NDUFAF3: variants seen among roughly 807,000 people sequenced by gnomAD.
The protein encoded by NDUFAF3 is NADH dehydrogenase [ubiquinone] 1 alpha subcomplex assembly factor 3.
NDUFAF3 carries 21 observed loss-of-function variants against 22.6 expected under a neutral mutation model. That is an observed-to-expected ratio of 0.93 (90% CI 0.66 to 1.34). NDUFAF3 has a LOEUF of 1.34. Among genes scored for constraint, NDUFAF3 ranks in the 40% most tolerant of loss-of-function variants. NDUFAF3 has a pLI of 0.00. For missense variants in NDUFAF3, 251 were observed against 248.4 expected, an observed-to-expected ratio of 1.01 and a Z score of -0.07; for synonymous variants, 113 against 104.9, an observed-to-expected ratio of 1.08 and a Z score of -0.47.
In NDUFAF3 at chr3:49,022,241, C is replaced by A. The variant is rs1459833041; in HGVS notation, c.77+20C>A. The A allele has an allele frequency of 1.2e-6, 2 of 1,610,062 alleles. No individual in the cohort carries two copies. Among genetic ancestry groups the A allele is most frequent in the African/African-American group, 1.3e-5 (1 of 74,904 alleles). Reference sequence around the variant, plus strand: ...TCCCTGGTGAGCTTGGACCCCGCGCCCTCGACCATCCAGCCCCCTAGGGCC... The same window carrying A: ...TCCCTGGTGAGCTTGGACCCCGCGCACTCGACCATCCAGCCCCCTAGGGCC... On this transcript the variant is annotated intron_variant, in intron 1 of 4. Coordinates refer to ENST00000326925, the MANE Select transcript of NDUFAF3 (RefSeq NM_199069.2). The surrounding 1 kb of genome is among the most constrained non-coding windows in gnomAD (Gnocchi z 6.6).
upstream of NDUFAF3, chr3:49,021,235 G>A (rs2093153494): frequency 6.6e-6 from 1 of 152,402 alleles, no homozygotes; most frequent in African/African-American, 2.4e-5. This position sits in a 1 kb window ranked among gnomAD's most constrained non-coding sequence, Gnocchi z 4.1. Context: ...GGCCCCGCGG[G>A]TAGCGAAAGC....
upstream of NDUFAF3, chr3:49,022,012 T>G: frequency 1.1e-6 from 1 of 934,142 alleles, no homozygotes; most frequent in Non-Finnish European, 1.6e-6. The surrounding 1 kb of genome is among the most constrained non-coding windows in gnomAD (Gnocchi z 6.6). Flanking sequence ...ACTCGCCTGC[T>G]GGGCCGGTCG....
upstream of NDUFAF3, chr3:49,021,036 T>G (rs934275312): frequency 6.2e-6 from 1 of 160,514 alleles, no homozygotes; most frequent in African/African-American, 2.4e-5. The surrounding 1 kb of genome is among the most constrained non-coding windows in gnomAD (Gnocchi z 4.1). Context: ...GGAGAGGAAG[T>G]AAACCCGCGC....
upstream of NDUFAF3, chr3:49,020,470 T>C (rs1002163618): frequency 7.8e-6 from 3 of 384,966 alleles, no homozygotes; most frequent in Non-Finnish European, 1.6e-5. Context: ...TCCCCAGGGT[T>C]CCAGAGATGG....
chr3:49,020,504 T>C (rs1575299971), upstream of NDUFAF3: 1 of 414,236 alleles, frequency 2.4e-6, no homozygotes, highest in Non-Finnish European at 5.1e-6. Flanking sequence ...CTCTCCCACG[T>C]CTACACCCAT....
Position 49,023,394 on chromosome 3 carries a change from T to G in NDUFAF3, c.*222T>G. 1.7e-6 allele frequency: 1 copy of G among 590,152 alleles called. No individual in the cohort carries two copies. Among genetic ancestry groups the G allele is most frequent in the Non-Finnish European group, 3.0e-6 (1 of 327,992 alleles). 36.6% of individuals were successfully genotyped at this position (590,152 alleles called of 1,614,324 possible). On this transcript the variant is annotated 3_prime_UTR_variant, in exon 5 of 5. Coordinates refer to ENST00000326925, the MANE Select transcript of NDUFAF3 (RefSeq NM_199069.2). ...ACTTTTTCATCTAGATTACTTAGGA[T>G]TCCTTGACTTTTCAGAAGTCGGGAA...
At chr3:49,021,901 C>T, upstream of NDUFAF3, 1 of 577,404 alleles carries the variant, frequency 1.7e-6, no homozygotes, top group Non-Finnish European at 3.1e-6. The surrounding 1 kb of genome is among the most constrained non-coding windows in gnomAD (Gnocchi z 4.1). Flanking sequence ...TGTTCCACTC[C>T]CCCGGGACTA....
upstream of NDUFAF3, chr3:49,021,907 G>A (rs2093161344): frequency 1.7e-6 from 1 of 582,124 alleles, no homozygotes. The surrounding 1 kb of genome is among the most constrained non-coding windows in gnomAD (Gnocchi z 4.1). Context: ...ACTCCCCCGG[G>A]ACTATGGGCA....
Position 49,022,532 on chromosome 3 carries a change from G to T in NDUFAF3, c.264G>T (p.Gln88His). The change falls in exon 2 of 5, where the codon CAG becomes CAT. Residue 88 changes from glutamine (Q) to histidine (H), a missense_variant. Gln to His is a conservative substitution (Grantham distance 24, BLOSUM62 0). Coordinates refer to ENST00000326925, the MANE Select transcript of NDUFAF3 (RefSeq NM_199069.2). The surrounding 1 kb of genome is among the most constrained non-coding windows in gnomAD (Gnocchi z 6.6). Reference sequence around the variant, plus strand: ...CTCTGCTCCCGCACTCGGTGGTGCAGTGGAACGTGAGTCCTGGCCCGCAGT... The same window carrying T: ...CTCTGCTCCCGCACTCGGTGGTGCATTGGAACGTGAGTCCTGGCCCGCAGT... Reference protein sequence around the residue: ...PCALLPHSVVQWNVGSHQDIT... With the variant: ...PCALLPHSVVHWNVGSHQDIT... 1 of 1,613,314 alleles carries T rather than the reference G, an allele frequency of 6.2e-7. No homozygotes were observed. Among genetic ancestry groups the T allele is most frequent in the Non-Finnish European group, 8.5e-7 (1 of 1,179,958 alleles).
At chr3:49,021,626 G>C (rs2093158255), upstream of NDUFAF3, 1 of 160,454 alleles carries the variant, frequency 6.2e-6, no homozygotes, top group Admixed American at 6.4e-5. This position sits in a 1 kb window ranked among gnomAD's most constrained non-coding sequence, Gnocchi z 4.1. Flanking sequence ...AGAGGCCAAC[G>C]GTCGCGCGGG....
chr3:49,023,368 C>T lies in NDUFAF3; in HGVS notation c.*196C>T. ...GGGGAATGTGAAGAAACCAAGGAGT[C>T]ACTTTTTCATCTAGATTACTTAGGA... On this transcript the variant is annotated 3_prime_UTR_variant, in exon 5 of 5. Coordinates refer to ENST00000326925, the MANE Select transcript of NDUFAF3 (RefSeq NM_199069.2). 1.6e-6 allele frequency: 1 copy of T among 638,536 alleles called. No individual in the cohort carries two copies. The highest frequency in any genetic ancestry group is 2.8e-6 in the Non-Finnish European group (1 of 353,098). The allele number at this position is 638,536 out of a possible 1,614,324, so 39.6% of individuals were successfully genotyped here. A position where few individuals can be genotyped will look rare whatever the true frequency, so the allele number is the denominator to read the frequency against.
At chr3:49,022,002 A>G, upstream of NDUFAF3, 2 of 842,452 alleles carry the variant, frequency 2.4e-6, no homozygotes, top group Non-Finnish European at 3.8e-6. This position sits in a 1 kb window ranked among gnomAD's most constrained non-coding sequence, Gnocchi z 6.6. Flanking sequence ...GACTGAGGAC[A>G]CTCGCCTGCT....
upstream of NDUFAF3, chr3:49,021,446 G>C (rs992477712): frequency 3.3e-5 from 5 of 153,116 alleles, no homozygotes; most frequent in South Asian, 5.7e-4. The surrounding 1 kb of genome is among the most constrained non-coding windows in gnomAD (Gnocchi z 4.1). Flanking sequence ...GGTTCGGCCT[G>C]GTCTGGGCCA....
rs765833342 is a variant in NDUFAF3, at chr3:49,022,644, G to A, written c.271-58G>A. The stretch of plus-strand genomic sequence containing the variant: ...TCCTCTGTCTCCTCCTGCAGTGGAT[G>A]GAGATGGGGAGAGGCTGCGTGGATT... On this transcript the variant is annotated intron_variant, in intron 2 of 4. Coordinates refer to ENST00000326925, the MANE Select transcript of NDUFAF3 (RefSeq NM_199069.2). The surrounding 1 kb of genome is among the most constrained non-coding windows in gnomAD (Gnocchi z 6.6). The A allele has an allele frequency of 2.5e-6, 4 of 1,613,230 alleles. No individual in the cohort carries two copies. The highest frequency in any genetic ancestry group is 3.4e-6 in the Non-Finnish European group (4 of 1,179,294).
rs2093180750 is a variant in NDUFAF3, at chr3:49,023,381, A to C, written c.*209A>C. 1.6e-6 allele frequency: 1 copy of C among 620,310 alleles called. No individual in the cohort carries two copies. Among genetic ancestry groups the C allele is most frequent in the South Asian group, 1.8e-5 (1 of 54,856 alleles). The allele number at this position is 620,310 out of a possible 1,614,324, so 38.4% of individuals were successfully genotyped here. On this transcript the variant is annotated 3_prime_UTR_variant, in exon 5 of 5. Transcript: ENST00000326925. ...AAACCAAGGAGTCACTTTTTCATCT[A>C]GATTACTTAGGATTCCTTGACTTTT...
chr3:49,021,927 G>T, upstream of NDUFAF3: 1 of 596,368 alleles, frequency 1.7e-6, no homozygotes, highest in Non-Finnish European at 3.0e-6. This position sits in a 1 kb window ranked among gnomAD's most constrained non-coding sequence, Gnocchi z 4.1. Flanking sequence ...AAGGGCCCGG[G>T]GCGGGGAGGG....
upstream of NDUFAF3, chr3:49,021,959 C>A: frequency 1.6e-6 from 1 of 637,478 alleles, no homozygotes; most frequent in Non-Finnish European, 2.8e-6. The surrounding 1 kb of genome is among the most constrained non-coding windows in gnomAD (Gnocchi z 4.1). Flanking sequence ...GACACTGGAG[C>A]TGCGCCGGAG....
At chr3:49,020,602 G>A (rs2093146231), upstream of NDUFAF3, 1 of 481,100 alleles carries the variant, frequency 2.1e-6, no homozygotes, top group Non-Finnish European at 4.3e-6. Context: ...ACCCCATCTG[G>A]GCCAGGGCGC....
Position 49,022,434 on chromosome 3 carries a change from C to G in NDUFAF3, c.166C>G (p.Gln56Glu), listed in dbSNP as rs758154652. 1.9e-6 allele frequency: 3 copies of G among 1,613,058 alleles called. No homozygotes were observed. Among genetic ancestry groups the G allele is most frequent in the Non-Finnish European group, 1.7e-6 (2 of 1,180,038 alleles). ...RISLLQREAAQAMYIDSYNSR... is the reference protein window; with the variant it reads ...RISLLQREAAEAMYIDSYNSR... Reference sequence around the variant, plus strand: ...CTCTCTGCTGCAACGCGAGGCCGCTCAGGCAATGTACATCGACAGCTACAA... The same window carrying G: ...CTCTCTGCTGCAACGCGAGGCCGCTGAGGCAATGTACATCGACAGCTACAA... The change falls in exon 2 of 5, where the codon CAG (glutamine) becomes GAG (glutamate). Residue 56 changes from glutamine to glutamate, a missense_variant. Gln to Glu is a conservative substitution (Grantham distance 29). Coordinates refer to ENST00000326925, the MANE Select transcript of NDUFAF3 (RefSeq NM_199069.2). This position sits in a 1 kb window ranked among gnomAD's most constrained non-coding sequence, Gnocchi z 6.6.
Sources: allele counts gnomAD v4.1 joint callset, GRCh38; gene constraint gnomAD v4.1.1; non-coding constraint Gnocchi (gnomAD v3.1); transcripts MANE v1.5; gene names NCBI Gene and HGNC (gene_info 2026-07-23, HGNC 2026-07-21).